Variants in LTBP1 observed in about 807,000 individuals in gnomAD.
LTBP1 encodes the protein latent transforming growth factor beta binding protein 1, also known as latent-transforming growth factor beta-binding protein 1.
Under a neutral mutation model 207.6 loss-of-function variants are expected in LTBP1, and 129 were observed. The observed-to-expected ratio is 0.62, with a 90% CI of 0.54 to 0.72. The LOEUF is 0.72. LTBP1 is among the 30% of genes least tolerant of loss of function. The pLI is 0.00. For missense variants in LTBP1, 2,281 were observed against 2,217.2 expected, an observed-to-expected ratio of 1.03 and a Z score of -0.58; for synonymous variants, 963 against 833.7, an observed-to-expected ratio of 1.16 and a Z score of -2.67.
intron 11 of LTBP1, among the ~76,000 whole-genome samples, chr2:33,255,332 A>G (rs2092819880): frequency 6.6e-6 from 1 of 152,134 alleles, no homozygotes; most frequent in African/African-American, 2.4e-5. Context: ...TCAGGAAACA[A>G]CAGGTGCTGG....
intron 20 of LTBP1, 85 bp downstream of exon 20, chr2:33,293,367 C>A: frequency 3.7e-6 from 5 of 1,348,612 alleles, no homozygotes; most frequent in Non-Finnish European, 5.0e-6. Context: ...AAAGGGAACC[C>A]TGCTACCTGT....
intron 18 of LTBP1, among the ~76,000 whole-genome samples, chr2:33,278,277 T>A (rs2093487431): frequency 6.6e-6 from 1 of 152,202 alleles, no homozygotes; most frequent in Admixed American, 6.5e-5. Flanking sequence ...TGATATTCAA[T>A]ATATGAAAAT....
chr2:33,301,036 A>G (rs1304545884), intron 21 of LTBP1, among the ~76,000 whole-genome samples: 2 of 152,212 alleles, frequency 1.3e-5, no homozygotes, highest in African/African-American at 4.8e-5. Flanking sequence ...AAACTGTAAT[A>G]ATGTCCCCCT....
rs573928728 is a variant in LTBP1, at chr2:33,012,085, C to G, written c.566-8824C>G. Reference sequence around the variant, plus strand: ...TAATTACTTTCCCTGTGGGGTCTCCCTGGCTGGGTTGTGAATGCCAAGGGG... The same window carrying G: ...TAATTACTTTCCCTGTGGGGTCTCCGTGGCTGGGTTGTGAATGCCAAGGGG... On this transcript the variant is annotated intron_variant, in intron 2 of 33. Transcript: ENST00000404816. 3.1e-4 allele frequency among the ~76,000 whole-genome samples: 47 copies of G among 152,252 alleles called. No homozygotes were observed. The East Asian group carries it at 7.2e-3, about 23-fold the overall frequency.
chr2:33,023,036 T>C (rs1036824989), intron 3 of LTBP1, among the ~76,000 whole-genome samples: 1 of 152,186 alleles, frequency 6.6e-6, no homozygotes, highest in Non-Finnish European at 1.5e-5. Flanking sequence ...AGTGCTTTTT[T>C]TGTGTGTGCC....
chr2:32,975,596 T>TG (rs1681617024), intron 2 of LTBP1, among the ~76,000 whole-genome samples: 1 of 120,010 alleles, frequency 8.3e-6, no homozygotes, highest in African/African-American at 3.5e-5. Flanking sequence ...TTTTTTTTTT[T>TG]TTTTTTTTTT....
chr2:33,159,460 T>G (rs1040278990), intron 5 of LTBP1, among the ~76,000 whole-genome samples: 7 of 152,226 alleles, frequency 4.6e-5, no homozygotes, highest in Admixed American at 2.6e-4. Context: ...AAAAAGAATT[T>G]CTGTTCTCCA....
At chr2:33,318,152 A>T (rs1250602772) in intron 24 of LTBP1, among the ~76,000 whole-genome samples, 1 of 152,170 alleles carries the variant, frequency 6.6e-6, no homozygotes, top group Admixed American at 6.5e-5. Flanking sequence ...CCCCAAAAAA[A>T]ATCCCAAATC....
rs148295749 is a variant in LTBP1 at position 33,093,034 on chromosome 2, C to G, written c.864-17548C>G. ...CTGTCACAGGTGGAGGGGAGGGAAC[C>G]CAGGGAGTAAGAGACCACCCCACAG... On this transcript the variant is annotated intron_variant, in intron 3 of 33. Coordinates refer to ENST00000404816, the MANE Select transcript of LTBP1 (RefSeq NM_206943.4). 4.2e-3 allele frequency among the ~76,000 whole-genome samples: 646 copies of G among 152,170 alleles called. 5 individuals are homozygous for G. Among genetic ancestry groups the G allele is most frequent in the African/African-American group, 0.014 (595 of 41,528 alleles).
chr2:33,191,630 T>C (rs758462952), intron 7 of LTBP1, among the ~76,000 whole-genome samples: 12 of 152,244 alleles, frequency 7.9e-5, no homozygotes, highest in Non-Finnish European at 1.5e-4. Flanking sequence ...TACAAAGGAT[T>C]TTGAAAACAT....
chr2:33,368,909 C>T (rs1380564933), intron 31 of LTBP1, among the ~76,000 whole-genome samples: 1 of 152,104 alleles, frequency 6.6e-6, no homozygotes, highest in Admixed American at 6.5e-5. Flanking sequence ...CCCCAAAATA[C>T]TGTAAAAATT....
chr2:33,334,374 G>A lies in LTBP1; in HGVS notation c.3731-8464G>A, dbSNP rs796855768. On this transcript the variant is annotated intron_variant, in intron 24 of 33. Transcript: ENST00000404816. Reference sequence around the variant, plus strand: ...AAGCAGAGAACTATTTGATTGGACTGTTTCATTAGGTAAATTATTCTGTCA... The same window carrying A: ...AAGCAGAGAACTATTTGATTGGACTATTTCATTAGGTAAATTATTCTGTCA... 7.2e-4 allele frequency among the ~76,000 whole-genome samples: 109 copies of A among 152,336 alleles called. 2 individuals carry two copies. Among genetic ancestry groups the A allele is most frequent in the African/African-American group, 2.6e-3 (107 of 41,574 alleles).
chr2:33,395,141 T>G (rs2095347539), intron 32 of LTBP1, among the ~76,000 whole-genome samples: 1 of 152,198 alleles, frequency 6.6e-6, no homozygotes, highest in Admixed American at 6.5e-5. Context: ...TTCTACTGAG[T>G]GCAGACATTG....
chr2:33,267,470 T>C (rs937017849), intron 15 of LTBP1, among the ~76,000 whole-genome samples: 8 of 152,180 alleles, frequency 5.3e-5, no homozygotes, highest in Non-Finnish European at 1.2e-4. Flanking sequence ...AAAATTGTTA[T>C]TCTCTATTCT....
intron 3 of LTBP1, among the ~76,000 whole-genome samples, chr2:33,084,482 C>T (rs1426385597): frequency 2.6e-5 from 4 of 151,994 alleles, no homozygotes; most frequent in Non-Finnish European, 5.9e-5. Context: ...TTAGGGATCC[C>T]GGGTGATAGC....
intron 19 of LTBP1, among the ~76,000 whole-genome samples, chr2:33,281,211 A>G (rs1001474274): frequency 3.3e-5 from 5 of 152,196 alleles, no homozygotes; most frequent in South Asian, 4.1e-4. Flanking sequence ...GCACTCAAAC[A>G]TCTCACAGAT....
At chr2:33,079,750 A>G (rs762864147) in intron 3 of LTBP1, among the ~76,000 whole-genome samples, 1 of 152,156 alleles carries the variant, frequency 6.6e-6, no homozygotes, top group Non-Finnish European at 1.5e-5. Flanking sequence ...TGGGGCCATC[A>G]GCCTCCCACC....
chr2:33,217,632 C>G lies in LTBP1; in HGVS notation c.1782C>G (p.Cys594Trp). ...GTACCTCCTGGGGCTTTAACAAATG[C>G]CAGAAATGCCCCAAGAAACCATGTA... ...TVGTSWGFNK[C>W]QKCPKKPSYH... The change falls in exon 8 of 34, where the codon TGC becomes TGG. Residue 594 changes from cysteine to tryptophan, a missense_variant. By Grantham distance (215) the Cys-to-Trp change is radical. Coordinates refer to ENST00000404816, the MANE Select transcript of LTBP1 (RefSeq NM_206943.4). The G allele has an allele frequency of 6.2e-7, 1 of 1,613,296 alleles. No individual in the cohort carries two copies. Among genetic ancestry groups the G allele is most frequent in the Non-Finnish European group, 8.5e-7 (1 of 1,179,400 alleles).
intron 2 of LTBP1, among the ~76,000 whole-genome samples, chr2:32,997,309 G>C (rs950373268): frequency 1.3e-5 from 2 of 152,014 alleles, no homozygotes; most frequent in Non-Finnish European, 2.9e-5. Flanking sequence ...CCAAGAGTTT[G>C]AGACCAGCTG....
Sources: allele counts gnomAD v4.1 joint callset (sites outside exome capture counted in the v4.1 genomes callset), GRCh38; gene constraint gnomAD v4.1.1; transcripts MANE v1.5; gene names NCBI Gene and HGNC (gene_info 2026-07-23, HGNC 2026-07-21).